Variants in TMEM53 observed in about 807,000 individuals in gnomAD.
TMEM53 encodes the protein transmembrane protein 53, also known as novel DUF829 domain-containing protein.
TMEM53 carries 14 observed loss-of-function variants against 21.4 expected under a neutral mutation model. That is an observed-to-expected ratio of 0.65 (90% CI 0.43 to 1.02). The LOEUF (loss-of-function observed/expected upper bound fraction) is 1.02. Ranked by LOEUF, TMEM53 falls within the 50% of genes least tolerant of loss-of-function variation. The probability of loss-of-function intolerance (pLI) is 0.00; values close to 1 mark genes in which losing one functional copy is unlikely to be tolerated. For synonymous variants in TMEM53, 148 were observed against 157.4 expected (o/e 0.94, Z 0.45); for missense variants, 323 against 383.6 (o/e 0.84, Z 1.32).
chr1:44,674,448 C>T lies in TMEM53; in HGVS notation c.-57G>A. 2.6e-6 allele frequency: 4 copies of T among 1,557,608 alleles called. No homozygotes were observed. The highest frequency in any genetic ancestry group is 2.3e-5 in the East Asian group (1 of 43,366). On this transcript the variant is annotated 5_prime_UTR_variant, in exon 1 of 3. Coordinates refer to ENST00000372237, the MANE Select transcript of TMEM53 (RefSeq NM_024587.4). ...CAGCCGGAACTCCCGCTTGCGCACC[C>T]GTGCCTCACCCGGGCGCCTCCTGGG...
At chr1:44,657,315 A>G (rs1644859592) in intron 2 of TMEM53, among the ~76,000 whole-genome samples, 1 of 152,206 alleles carries the variant, frequency 6.6e-6, no homozygotes, top group African/African-American at 2.4e-5. Context: ...GCTGTAAAGG[A>G]TGCTTTAGGG....
chr1:44,663,265 G>C (rs1270666496), intron 1 of TMEM53, among the ~76,000 whole-genome samples: 1 of 152,100 alleles, frequency 6.6e-6, no homozygotes, highest in African/African-American at 2.4e-5. Flanking sequence ...GTTTGAGAAG[G>C]AGTTTCACTT....
chr1:44,661,809 A>G (rs185031154), intron 1 of TMEM53, among the ~76,000 whole-genome samples: 11 of 152,318 alleles, frequency 7.2e-5, no homozygotes, highest in Admixed American at 4.6e-4. Flanking sequence ...TGATATGCTA[A>G]GAGGCACAAA....
rs148747598 is a variant in TMEM53, at chr1:44,665,555, A to G, written c.62-5260T>C. The stretch of plus-strand genomic sequence containing the variant: ...GGAGGCTGAGGCAGAGAATCACTTG[A>G]ACCCAGGAGGCGGAGGTTGCAGTAA... On this transcript the variant is annotated intron_variant, in intron 1 of 2. Transcript: ENST00000372237. Among the ~76,000 whole-genome samples, 691 of 152,050 alleles carry G rather than the reference A, an allele frequency of 4.5e-3. 1 individual carries two copies. Among genetic ancestry groups the G allele is most frequent in the Non-Finnish European group, 7.1e-3 (481 of 67,978 alleles).
chr1:44,654,513 T>C lies in TMEM53; in HGVS notation c.*46A>G, dbSNP rs1329347672. The C allele has an allele frequency of 6.4e-7, 1 of 1,567,898 alleles. No individual in the cohort carries two copies. Among genetic ancestry groups the C allele is most frequent in the South Asian group, 1.2e-5 (1 of 84,496 alleles). ...CGACAGATTGCAGGTTGTGGGGAGG[T>C]GTCAGGCATTTATTTCTGGAGCAGA... On this transcript the variant is annotated 3_prime_UTR_variant, in exon 3 of 3. Transcript: ENST00000372237. This position sits in a 1 kb window ranked among gnomAD's most constrained non-coding sequence, Gnocchi z 7.0.
intron 1 of TMEM53, 162 bp downstream of exon 1, chr1:44,674,169 G>C: frequency 1.0e-6 from 1 of 985,324 alleles, no homozygotes; most frequent in Non-Finnish European, 1.2e-6. Context: ...TACGAGGGGC[G>C]GGGCTCTCTG....
Position 44,660,250 on chromosome 1 carries a change from G to A in TMEM53, c.107C>T (p.Pro36Leu), listed in dbSNP as rs1644888412. 2.5e-6 allele frequency: 4 copies of A among 1,614,096 alleles called. No homozygotes were observed. Among genetic ancestry groups the A allele is most frequent in the Non-Finnish European group, 3.4e-6 (4 of 1,179,988 alleles). ...ACCCCAGCCCAAGAGAATCACCACA[G>A]GCTGCCGAGTTTCTGCCTCCTTCCC... ...PGGKEAETRQ[P>L]VVILLGWGGC... Residue 36 changes from proline (P) to leucine (L), a missense_variant, in exon 2 of 3, where the codon CCT becomes CTT. By Grantham distance (98) the Pro-to-Leu change is moderately conservative. This residue lies in a region of TMEM53 where 5 missense variants were observed against 16.2 expected (regional missense o/e 0.31). Transcript: ENST00000372237.
intron 1 of TMEM53, among the ~76,000 whole-genome samples, chr1:44,670,587 C>T (rs1644991103): frequency 6.6e-6 from 1 of 152,196 alleles, no homozygotes; most frequent in South Asian, 2.1e-4. Flanking sequence ...CCATGGTGGT[C>T]CAGACCCTTC....
At position 44,674,388 on chromosome 1, in the gene TMEM53, C is replaced by A. The variant is rs777767987; in HGVS notation, c.4G>T (p.Ala2Ser). The A allele has an allele frequency of 1.9e-6, 3 of 1,611,426 alleles. No individual in the cohort carries two copies. Among genetic ancestry groups the A allele is most frequent in the South Asian group, 1.1e-5 (1 of 90,944 alleles). Residue 2 changes from alanine to serine, a missense_variant, in exon 1 of 3, where the codon GCC (alanine) becomes TCC (serine). Physicochemically the swap from Ala to Ser is moderately conservative, Grantham distance 99. This residue lies in a region of TMEM53 where 49 missense variants were observed against 32.9 expected (regional missense o/e 1.49). Coordinates refer to ENST00000372237, the MANE Select transcript of TMEM53 (RefSeq NM_024587.4). Reference sequence around the variant, plus strand: ...ATGGTGTAGTCCAGCTCTGCCGAGGCCATGGTGAAGGCGCCGGCCCAGAGC... The same window carrying A: ...ATGGTGTAGTCCAGCTCTGCCGAGGACATGGTGAAGGCGCCGGCCCAGAGC... M[A>S]SAELDYTIEI... is the part of the protein sequence containing the mutation.
intron 1 of TMEM53, among the ~76,000 whole-genome samples, chr1:44,664,513 A>C (rs1177204579): frequency 6.6e-6 from 1 of 152,162 alleles, no homozygotes; most frequent in Non-Finnish European, 1.5e-5. Context: ...TACAGACGAA[A>C]ACCTGAGGCA....
chr1:44,658,385 T>C (rs1557491944), intron 2 of TMEM53, among the ~76,000 whole-genome samples: 1 of 152,198 alleles, frequency 6.6e-6, no homozygotes, highest in South Asian at 2.1e-4. Flanking sequence ...CTCATTAAAC[T>C]ACCATTCTAC....
chr1:44,660,124 G>A, intron 2 of TMEM53, 50 bp downstream of exon 2: 1 of 1,583,330 alleles, frequency 6.3e-7, no homozygotes, highest in Non-Finnish European at 8.6e-7. Context: ...CTGCCTCAAA[G>A]GTGGTCAGCC....
chr1:44,656,215 C>G (rs1257051040), intron 2 of TMEM53, among the ~76,000 whole-genome samples: 3 of 152,050 alleles, frequency 2.0e-5, no homozygotes, highest in Non-Finnish European at 4.4e-5. Flanking sequence ...GTCTGGGTCC[C>G]CATCTATAAG....
intron 1 of TMEM53, among the ~76,000 whole-genome samples, chr1:44,660,997 A>C (rs1466126463): frequency 2.0e-5 from 3 of 152,004 alleles, no homozygotes; most frequent in African/African-American, 7.3e-5. Context: ...AATCAAAAGA[A>C]TATTTTGTGA....
chr1:44,669,298 A>C (rs2148537592), intron 1 of TMEM53, among the ~76,000 whole-genome samples: 1 of 152,312 alleles, frequency 6.6e-6, no homozygotes, highest in Non-Finnish European at 1.5e-5. Context: ...AGGCTATAGA[A>C]TGTTTCATAA....
intron 1 of TMEM53, among the ~76,000 whole-genome samples, chr1:44,667,469 G>A (rs569187837): frequency 1.3e-5 from 2 of 151,520 alleles, no homozygotes; most frequent in African/African-American, 2.4e-5. Context: ...CATCATGCCC[G>A]GCTAATTTTT....
Position 44,674,453 on chromosome 1 carries a change from CTCA to C in TMEM53, c.-65_-63del. On this transcript the variant is annotated 5_prime_UTR_variant, in exon 1 of 3. Coordinates refer to ENST00000372237, the MANE Select transcript of TMEM53 (RefSeq NM_024587.4). Reference sequence around the variant, plus strand: ...GGAACTCCCGCTTGCGCACCCGTGCCTCACCCGGGCGCCTCCTGGGCGCCGCCC... The same window carrying C: ...GGAACTCCCGCTTGCGCACCCGTGCCCCCGGGCGCCTCCTGGGCGCCGCCC... The C allele has an allele frequency of 6.5e-7, 1 of 1,538,432 alleles. No individual in the cohort carries two copies. The highest frequency in any genetic ancestry group is 1.2e-5 in the South Asian group (1 of 83,642).
Position 44,674,314 on chromosome 1 carries a change from C to G in TMEM53, c.61+17G>C, listed in dbSNP as rs376927457. The G allele has an allele frequency of 1.9e-6, 3 of 1,608,806 alleles. No homozygotes were observed. In the East Asian group the frequency reaches 6.7e-5, roughly 36 times the overall value. On this transcript the variant is annotated intron_variant, in intron 1 of 2. Coordinates refer to ENST00000372237, the MANE Select transcript of TMEM53 (RefSeq NM_024587.4). ...GAGGTCACCTCCCCGCGCCTGGACC[C>G]AACCCTCATTCCATACTCTGGCTCC...
chr1:44,661,063 G>A (rs1180864975), intron 1 of TMEM53, among the ~76,000 whole-genome samples: 6 of 152,064 alleles, frequency 3.9e-5, no homozygotes, highest in Non-Finnish European at 7.4e-5. Flanking sequence ...ACTTTTATTG[G>A]AACATGCCAC....
Sources: gnomAD v4.1 joint callset for allele counts (sites outside exome capture counted in the v4.1 genomes callset) on GRCh38, gnomAD v4.1.1 for gene constraint, gnomAD v4.1.1 regional missense constraint, Gnocchi (gnomAD v3.1) non-coding constraint, MANE v1.5 for transcripts, NCBI Gene and HGNC (gene_info 2026-07-23, HGNC 2026-07-21) for gene names.